Variants in GALNT10 observed in about 807,000 individuals in gnomAD.
GALNT10 encodes the protein polypeptide N-acetylgalactosaminyltransferase 10.
Under a neutral mutation model 75.0 loss-of-function variants are expected in GALNT10, and 41 were observed. The observed-to-expected ratio is 0.55, with a 90% CI of 0.43 to 0.71. GALNT10 has a LOEUF of 0.71. Among genes scored for constraint, GALNT10 ranks in the 30% least tolerant of loss-of-function variants. The probability of loss-of-function intolerance (pLI) is 0.00; values close to 1 mark genes in which losing one functional copy is unlikely to be tolerated. For missense variants in GALNT10, 727 were observed against 818.5 expected (o/e 0.89, Z 1.36); for synonymous variants, 302 against 313.0 (o/e 0.96, Z 0.37).
chr5:154,326,924 A>G (rs1408201871), intron 3 of GALNT10, among the ~76,000 whole-genome samples: 1 of 152,252 alleles, frequency 6.6e-6, no homozygotes, highest in Non-Finnish European at 1.5e-5. Context: ...GAGATACAAT[A>G]TAAAATTAGA....
At chr5:154,301,664 G>A (rs1006231792) in intron 3 of GALNT10, among the ~76,000 whole-genome samples, 4 of 151,762 alleles carry the variant, frequency 2.6e-5, no homozygotes, top group South Asian at 4.1e-4. Context: ...GAGGAGCTGA[G>A]ATTACAGGCA....
At chr5:154,271,033 T>C (rs1466206587) in intron 1 of GALNT10, among the ~76,000 whole-genome samples, 2 of 146,786 alleles carry the variant, frequency 1.4e-5, no homozygotes, top group African/African-American at 5.0e-5. Context: ...GTGGCCAGTC[T>C]AAATTCATTT....
At chr5:154,337,983 G>T in intron 4 of GALNT10, 10 of 1,577,846 alleles carry the variant, frequency 6.3e-6, no homozygotes, top group Non-Finnish European at 6.9e-6. Flanking sequence ...GGTTACAAAG[G>T]CAAAGCCCCT....
In GALNT10 at chr5:154,287,959, T is replaced by TGTGAGA. The variant is rs144196717; in HGVS notation, c.160-6856_160-6855insTGAGAG. ...GCATGTGTGTGCATGTGTGTGTGTG[T>TGTGAGA]GAGAGAGAGAGAGAGAGAAGTTTAT... is the stretch of plus-strand genomic sequence containing the variant. On this transcript the variant is annotated intron_variant, in intron 1 of 11. Coordinates refer to ENST00000297107, the MANE Select transcript of GALNT10 (RefSeq NM_198321.4). 8.9e-3 allele frequency among the ~76,000 whole-genome samples: 1,330 copies of TGTGAGA among 149,938 alleles called. 17 individuals are homozygous for TGTGAGA. The highest frequency in any genetic ancestry group is 0.027 in the South Asian group (127 of 4,734).
chr5:154,329,879 C>T (rs1754819369), intron 4 of GALNT10, 141 bp downstream of exon 4: 1 of 400,668 alleles, frequency 2.5e-6, no homozygotes, highest in Non-Finnish European at 4.7e-6. Context: ...ACTGTGCACA[C>T]ATTTTCTCAT....
intron 1 of GALNT10, among the ~76,000 whole-genome samples, chr5:154,243,676 A>G (rs72808615): frequency 0.051 from 7,734 of 152,310 alleles, 198 homozygotes; most frequent in Middle Eastern, 0.14. Context: ...TAATAGAATT[A>G]ATTCTTTAAA....
chr5:154,390,521 C>G (rs969484251), intron 7 of GALNT10, among the ~76,000 whole-genome samples: 48 of 152,192 alleles, frequency 3.2e-4, no homozygotes, highest in African/African-American at 1.2e-3. Flanking sequence ...AGGCTACAGG[C>G]CTTGGTCTAT....
chr5:154,281,110 A>C (rs1042070755), intron 1 of GALNT10, among the ~76,000 whole-genome samples: 2 of 152,206 alleles, frequency 1.3e-5, no homozygotes, highest in African/African-American at 4.8e-5. Flanking sequence ...GTTGAATATC[A>C]GTTTCTATAA....
At chr5:154,338,036 A>G in intron 4 of GALNT10, 5 of 1,430,322 alleles carry the variant, frequency 3.5e-6, no homozygotes, top group Non-Finnish European at 4.9e-6. Flanking sequence ...CAATCACTTC[A>G]TTTTTCCATA....
rs1429436496 is a variant in GALNT10, at chr5:154,418,253, T to TGCACCCCTG, written c.*1283_*1291dup. 2.0e-5 allele frequency: 3 copies of TGCACCCCTG among 152,198 alleles called. No individual in the cohort carries two copies. The highest frequency in any genetic ancestry group is 7.2e-5 in the African/African-American group (3 of 41,448). 9.4% of individuals were successfully genotyped at this position (152,198 alleles called of 1,614,324 possible). On this transcript the variant is annotated 3_prime_UTR_variant, in exon 12 of 12. Transcript: ENST00000297107. ...TACAACATGGTCCTTGGTGAAGACC[T>TGCACCCCTG]GCACCCCTGGAACCTCCCACCATCA...
chr5:154,215,040 A>G (rs1012393301), intron 1 of GALNT10, among the ~76,000 whole-genome samples: 4 of 152,356 alleles, frequency 2.6e-5, no homozygotes, highest in African/African-American at 9.6e-5. Context: ...ATGACTGCAT[A>G]TATGTATAAC....
chr5:154,330,123 T>G (rs904769003), intron 4 of GALNT10, among the ~76,000 whole-genome samples: 1 of 152,254 alleles, frequency 6.6e-6, no homozygotes, highest in Admixed American at 6.5e-5. Flanking sequence ...ACCAGGCTGT[T>G]TCTTTGTTTC....
intron 1 of GALNT10, among the ~76,000 whole-genome samples, chr5:154,212,546 CT>C (rs1430370103): frequency 6.6e-6 from 1 of 152,240 alleles, no homozygotes; most frequent in Non-Finnish European, 1.5e-5. Context: ...TCTGATTTCT[CT>C]GTTTGTCTTA....
intron 1 of GALNT10, among the ~76,000 whole-genome samples, chr5:154,195,999 C>T (rs1200741738): frequency 1.3e-5 from 2 of 152,054 alleles, no homozygotes; most frequent in Non-Finnish European, 2.9e-5. Flanking sequence ...CTCGGCCCAT[C>T]GCAACCTCCA....
At position 154,229,711 on chromosome 5, in the gene GALNT10, C is replaced by T. The variant is rs574516497; in HGVS notation, c.159+38686C>T. Among the ~76,000 whole-genome samples the T allele has an allele frequency of 6.7e-4, 101 of 151,602 alleles. 1 individual carries two copies. Among genetic ancestry groups the T allele is most frequent in the African/African-American group, 1.9e-3 (80 of 41,350 alleles). On this transcript the variant is annotated intron_variant, in intron 1 of 11. Transcript: ENST00000297107. ...ATGCGCCACTGTACTCCAGCCTGGGCGACAGAGTGAGACTCCATCTCAAAA... is the reference window on the plus strand; with the variant it reads ...ATGCGCCACTGTACTCCAGCCTGGGTGACAGAGTGAGACTCCATCTCAAAA...
intron 1 of GALNT10, among the ~76,000 whole-genome samples, 181 bp from the exon 2 acceptor site, chr5:154,294,635 C>G (rs1194770146): frequency 6.6e-6 from 1 of 152,128 alleles, no homozygotes. Context: ...ATCTTGCTGA[C>G]CTTTGCAAAC....
In GALNT10 at chr5:154,288,602, T is replaced by TCC. The variant is rs145304090; in HGVS notation, c.160-6214_160-6213insCC. Among the ~76,000 whole-genome samples, 8 of 151,898 alleles carry TCC rather than the reference T, an allele frequency of 5.3e-5. 1 individual carries two copies. The South Asian group carries it at 1.7e-3, about 32-fold the overall frequency. ...GTCTCCTCCACACACTCTCCCTCACTTCTTGCCATGTTCCTTCCTAACCCC... is the reference window on the plus strand; with the variant it reads ...GTCTCCTCCACACACTCTCCCTCACTCCTCTTGCCATGTTCCTTCCTAACCCC... On this transcript the variant is annotated intron_variant, in intron 1 of 11. Transcript: ENST00000297107.
chr5:154,264,813 G>A (rs1172996284), intron 1 of GALNT10, among the ~76,000 whole-genome samples: 1 of 152,138 alleles, frequency 6.6e-6, no homozygotes, highest in Non-Finnish European at 1.5e-5. Context: ...GAAATCAATT[G>A]CATTTCTAAG....
chr5:154,231,584 T>C (rs1753150614), intron 1 of GALNT10, among the ~76,000 whole-genome samples: 1 of 152,212 alleles, frequency 6.6e-6, no homozygotes, highest in South Asian at 2.1e-4. Context: ...GCCCTCTTTT[T>C]AGTCCTGTTA....
Sources: gnomAD v4.1 joint callset for allele counts (sites outside exome capture counted in the v4.1 genomes callset) on GRCh38, gnomAD v4.1.1 for gene constraint, MANE v1.5 for transcripts, NCBI Gene and HGNC (gene_info 2026-07-23, HGNC 2026-07-21) for gene names.